CSMD2: variants seen among roughly 807,000 people sequenced by gnomAD.
CSMD2 encodes CUB and Sushi multiple domains 2, also known as CUB and sushi domain-containing protein 2.
In CSMD2, 130 loss-of-function variants were observed where a neutral mutation model predicts 398.5. The observed-to-expected ratio is 0.33, with a 90% CI of 0.28 to 0.38. CSMD2 has a LOEUF of 0.38. Ranked by LOEUF, CSMD2 falls within the 10% of genes least tolerant of loss-of-function variation. CSMD2 has a pLI of 1.00. For missense variants in CSMD2, 3,829 were observed against 4,764.9 expected (o/e 0.80, Z 5.78); for synonymous variants, 1,828 against 1,908.5 (o/e 0.96, Z 1.10).
chr1:34,091,456 C>T (rs1658550024), intron 1 of CSMD2, among the ~76,000 whole-genome samples: 1 of 152,168 alleles, frequency 6.6e-6, no homozygotes, highest in South Asian at 2.1e-4. Context: ...GGGCCCAAGT[C>T]ACTGTTACAC....
intron 4 of CSMD2, among the ~76,000 whole-genome samples, chr1:33,918,575 T>C (rs939512222): frequency 3.9e-5 from 6 of 152,134 alleles, no homozygotes; most frequent in African/African-American, 1.4e-4. Context: ...AGGAACCAAA[T>C]GGTCATAAGC....
chr1:33,935,735 G>A (rs1260318645), intron 4 of CSMD2, 25 bp downstream of exon 4: 6 of 1,578,930 alleles, frequency 3.8e-6, no homozygotes, highest in Non-Finnish European at 5.2e-6. Context: ...GCCCCACTCT[G>A]TCAGACCCCT....
Position 34,164,771 on chromosome 1 carries a change from G to C in CSMD2, c.187+140C>G, listed in dbSNP as rs1641714715. Reference sequence around the variant, plus strand: ...GAGACGGAGGCAGGGATGAGAATGAGAGTAGGCAACTGGGAGGGTGGGAGA... The same window carrying C: ...GAGACGGAGGCAGGGATGAGAATGACAGTAGGCAACTGGGAGGGTGGGAGA... On this transcript the variant is annotated intron_variant, in intron 1 of 70. Coordinates refer to ENST00000373381, the MANE Select transcript of CSMD2 (RefSeq NM_001281956.2). This position sits in a 1 kb window ranked among gnomAD's most constrained non-coding sequence, Gnocchi z 6.2. 1 of 728,930 alleles carries C rather than the reference G, an allele frequency of 1.4e-6. No homozygotes were observed. Among genetic ancestry groups the C allele is most frequent in the Non-Finnish European group, 1.8e-6 (1 of 541,286 alleles). The allele number at this position is 728,930 out of a possible 1,614,324, so 45.2% of individuals were successfully genotyped here. A position where few individuals can be genotyped will look rare whatever the true frequency, so the allele number is the denominator to read the frequency against.
In CSMD2 at chr1:34,164,527, G is replaced by A. The variant is rs914792326; in HGVS notation, c.187+384C>T. ...GTGCCTGGCAGAATCAGGAGCCGGG[G>A]GAGTAGGGCTCCCGGAAAGTTTATC... is the stretch of plus-strand genomic sequence containing the variant. On this transcript the variant is annotated intron_variant, in intron 1 of 70. Transcript: ENST00000373381. The surrounding 1 kb of genome is among the most constrained non-coding windows in gnomAD (Gnocchi z 6.2). Among the ~76,000 whole-genome samples the A allele has an allele frequency of 6.6e-6, 1 of 152,132 alleles. No individual in the cohort carries two copies. The highest frequency in any genetic ancestry group is 1.5e-5 in the Non-Finnish European group (1 of 68,030).
intron 1 of CSMD2, among the ~76,000 whole-genome samples, chr1:34,096,515 T>C (rs879502859): frequency 7.2e-4 from 105 of 146,168 alleles, no homozygotes; most frequent in Admixed American, 1.2e-3. Flanking sequence ...GAAAACCCCA[T>C]TGTCTCAGCC....
At chr1:34,067,547 TC>T (rs1655251822) in intron 2 of CSMD2, among the ~76,000 whole-genome samples, 1 of 152,190 alleles carries the variant, frequency 6.6e-6, no homozygotes, top group Admixed American at 6.5e-5. Context: ...TCAGGGATTA[TC>T]CTGACTAGTC....
In CSMD2 at chr1:33,653,888, G is replaced by C. The variant is rs113057307; in HGVS notation, c.4448-1427C>G. Among the ~76,000 whole-genome samples the C allele has an allele frequency of 1.3e-4, 20 of 152,292 alleles. 1 individual carries two copies. The highest frequency in any genetic ancestry group is 4.3e-4 in the African/African-American group (18 of 41,570). ...AGAAAATCCAAGATGAGTCTTTGTGGGGGGAGCAAAAGGGTATACCTGACT... is the reference window on the plus strand; with the variant it reads ...AGAAAATCCAAGATGAGTCTTTGTGCGGGGAGCAAAAGGGTATACCTGACT... On this transcript the variant is annotated intron_variant, in intron 27 of 70. Transcript: ENST00000373381.
chr1:33,835,948 A>G (rs986260211), intron 6 of CSMD2, among the ~76,000 whole-genome samples: 5 of 152,192 alleles, frequency 3.3e-5, no homozygotes, highest in Admixed American at 6.5e-5. Context: ...TCTGATTTTT[A>G]GAATTTTCAG....
chr1:34,115,461 A>G (rs2148454985), intron 1 of CSMD2, among the ~76,000 whole-genome samples: 1 of 152,276 alleles, frequency 6.6e-6, no homozygotes, highest in South Asian at 2.1e-4. Context: ...ACTGAAAGGA[A>G]AAAGAAACCA....
At chr1:33,664,047 T>C (rs185103684) in intron 25 of CSMD2, among the ~76,000 whole-genome samples, 5 of 152,336 alleles carry the variant, frequency 3.3e-5, no homozygotes. Flanking sequence ...TTTTTTGTGT[T>C]CCAGGATCCA....
In CSMD2 at chr1:33,624,415, T is replaced by G; in HGVS notation, c.5625+104A>C. 2.1e-6 allele frequency: 3 copies of G among 1,452,644 alleles called. No homozygotes were observed. Among genetic ancestry groups the G allele is most frequent in the Non-Finnish European group, 2.8e-6 (3 of 1,064,804 alleles). 90.0% of individuals were successfully genotyped at this position (1,452,644 alleles called of 1,614,324 possible). On this transcript the variant is annotated intron_variant, in intron 35 of 70. Transcript: ENST00000373381. The surrounding 1 kb of genome is among the most constrained non-coding windows in gnomAD (Gnocchi z 4.7). ...TGATATGTCTCTTCCTGGCTCACCC[T>G]GACTCAGGCCTTGGCACCAGCCAGC...
chr1:33,701,887 A>G (rs1348569109), intron 22 of CSMD2, among the ~76,000 whole-genome samples: 1 of 152,234 alleles, frequency 6.6e-6, no homozygotes, highest in African/African-American at 2.4e-5. Context: ...ATCAATTGCA[A>G]TAAGAAATAA....
intron 31 of CSMD2, among the ~76,000 whole-genome samples, chr1:33,634,185 TGG>T (rs1288182318): frequency 2.0e-5 from 3 of 152,134 alleles, no homozygotes; most frequent in African/African-American, 7.2e-5. Context: ...GTCCTGGTTC[TGG>T]GGCAGGAGTG....
At chr1:33,855,767 A>T (rs1364360946) in intron 5 of CSMD2, among the ~76,000 whole-genome samples, 2 of 152,132 alleles carry the variant, frequency 1.3e-5, no homozygotes, top group African/African-American at 4.8e-5. Context: ...CTTGGCCCAG[A>T]AACAGGGTGC....
intron 1 of CSMD2, among the ~76,000 whole-genome samples, chr1:34,125,379 A>G (rs1662625798): frequency 6.6e-6 from 1 of 152,188 alleles, no homozygotes. Context: ...GGCCAGGGAA[A>G]CTTGCCCTGC....
intron 3 of CSMD2, among the ~76,000 whole-genome samples, chr1:33,959,672 CAA>C (rs1028890259): frequency 3.9e-5 from 6 of 152,168 alleles, no homozygotes; most frequent in Non-Finnish European, 7.4e-5. Context: ...TCACACCTGC[CAA>C]ACTCAAAGCC....
rs1642794387 is a variant in CSMD2 at position 33,636,256 on chromosome 1, G to A, written c.4969+104C>T. ...CAGGTTTGCCAGGCTTGGAGGAGCC[G>A]GGCTTGAGGACCTTGCCCCCCTCCC... On this transcript the variant is annotated intron_variant, in intron 30 of 70. Coordinates refer to ENST00000373381, the MANE Select transcript of CSMD2 (RefSeq NM_001281956.2). This position sits in a 1 kb window ranked among gnomAD's most constrained non-coding sequence, Gnocchi z 4.8. 2.6e-5 allele frequency: 30 copies of A among 1,152,016 alleles called. 1 individual carries two copies. The Admixed American group carries it at 3.5e-4, about 13-fold the overall frequency. 71.4% of individuals were successfully genotyped at this position (1,152,016 alleles called of 1,614,324 possible).
chr1:33,851,999 T>C (rs1223615353), intron 5 of CSMD2, among the ~76,000 whole-genome samples: 1 of 152,082 alleles, frequency 6.6e-6, no homozygotes, highest in East Asian at 1.9e-4. Flanking sequence ...CCTTTAAAGA[T>C]TCAATTCCCG....
intron 12 of CSMD2, among the ~76,000 whole-genome samples, chr1:33,787,658 C>T (rs1653696255): frequency 6.6e-6 from 1 of 152,158 alleles, no homozygotes; most frequent in Non-Finnish European, 1.5e-5. Flanking sequence ...ATGTGTCTGT[C>T]CCCCTTGTGC....
Sources: gnomAD v4.1 joint callset for allele counts (sites outside exome capture counted in the v4.1 genomes callset) on GRCh38, gnomAD v4.1.1 for gene constraint, Gnocchi (gnomAD v3.1) non-coding constraint, MANE v1.5 for transcripts, NCBI Gene and HGNC (gene_info 2026-07-23, HGNC 2026-07-21) for gene names.